The following ANK3 variants were observed in gnomAD, a reference collection of about 807,000 sequenced individuals.
ANK3 encodes ankyrin-3.
ANK3 carries 57 observed loss-of-function variants against 370.9 expected under a neutral mutation model. The observed-to-expected ratio is 0.15, with a 90% CI of 0.12 to 0.19. The LOEUF (loss-of-function observed/expected upper bound fraction) is 0.19, where lower values mean the gene tolerates loss of function less well. ANK3 is among the 10% of genes least tolerant of loss of function. The probability of loss-of-function intolerance (pLI) is 1.00; values close to 1 mark genes in which losing one functional copy is unlikely to be tolerated. For missense variants in ANK3, 4,439 were observed against 5,302.1 expected (o/e 0.84, Z 5.06); for synonymous variants, 1,929 against 1,946.3 (o/e 0.99, Z 0.23).
At chr10:60,463,691 C>A (rs1250068149) in intron 2 of ANK3, among the ~76,000 whole-genome samples, 3 of 141,228 alleles carry the variant, frequency 2.1e-5, no homozygotes, top group Admixed American at 7.2e-5. Flanking sequence ...AAAAAAAAAA[C>A]CCAAACCAAA....
chr10:60,531,464 G>GTGGC (rs748043641), intron 2 of ANK3, among the ~76,000 whole-genome samples: 4 of 152,086 alleles, frequency 2.6e-5, no homozygotes, highest in Non-Finnish European at 4.4e-5. Flanking sequence ...GGGAAAATCA[G>GTGGC]TGGCTGTGGG....
intron 2 of ANK3, among the ~76,000 whole-genome samples, chr10:60,461,465 G>A (rs1488096078): frequency 1.3e-5 from 2 of 152,168 alleles, no homozygotes; most frequent in Non-Finnish European, 2.9e-5. Context: ...AACATGTTAT[G>A]AAGCACAGAT....
At chr10:60,516,790 T>A (rs12413264) in intron 2 of ANK3, among the ~76,000 whole-genome samples, 36,330 of 151,584 alleles carry the variant, frequency 0.24, 4,681 homozygotes, top group East Asian at 0.47. Context: ...ACATTTTTTT[T>A]AAAATGCACC....
chr10:60,042,720 G>T lies in ANK3; in HGVS notation c.13105C>A (p.Arg4369=). Reference sequence around the variant, plus strand: ...GAGTGGCTCTTCTTTTCCACATGCCGGATTTCTTTCTTCGTTTTCACCTTA... The same window carrying T: ...GAGTGGCTCTTCTTTTCCACATGCCTGATTTCTTTCTTCGTTTTCACCTTA... ...GFKVKTKKEI[R]HVEKKSHS Residue 4369 remains arginine (R), a synonymous_variant, in exon 43 of 44, where the codon CGG becomes AGG. Transcript: ENST00000280772. 6.2e-7 allele frequency: 1 copy of T among 1,613,814 alleles called. No individual in the cohort carries two copies. Among genetic ancestry groups the T allele is most frequent in the Non-Finnish European group, 8.5e-7 (1 of 1,179,934 alleles).
chr10:60,056,864 A>G (rs1464678480), intron 41 of ANK3, among the ~76,000 whole-genome samples: 1 of 152,112 alleles, frequency 6.6e-6, no homozygotes, highest in East Asian at 1.9e-4. Context: ...TCTCTACCAA[A>G]AAACTACAAA....
chr10:60,096,439 C>T (rs930010899), intron 28 of ANK3, among the ~76,000 whole-genome samples: 20 of 152,310 alleles, frequency 1.3e-4, no homozygotes, highest in African/African-American at 4.3e-4. Flanking sequence ...GGCACAAATG[C>T]AATGCCACTA....
At chr10:60,279,484 A>G in intron 2 of ANK3, 54 bp downstream of exon 2, 1 of 1,386,942 alleles carries the variant, frequency 7.2e-7, no homozygotes, top group South Asian at 1.3e-5. Flanking sequence ...AAGGAGCTTG[A>G]AGTCTGGATT....
rs567625921 is a variant in ANK3 at position 60,228,773 on chromosome 10, C to T, written c.897+5915G>A. Reference sequence around the variant, plus strand: ...AAAAAAAAATTAGATGTGAGCATTACCAACATACATTAAGAAACAGTAGGA... The same window carrying T: ...AAAAAAAAATTAGATGTGAGCATTATCAACATACATTAAGAAACAGTAGGA... On this transcript the variant is annotated intron_variant, in intron 8 of 43. Coordinates refer to ENST00000280772, the MANE Select transcript of ANK3 (RefSeq NM_020987.5). Among the ~76,000 whole-genome samples the T allele has an allele frequency of 1.4e-3, 211 of 152,080 alleles. 1 individual carries two copies. Among genetic ancestry groups the T allele is most frequent in the African/African-American group, 4.8e-3 (198 of 41,484 alleles).
chr10:60,428,800 T>C (rs1025756539), intron 2 of ANK3, among the ~76,000 whole-genome samples: 1 of 152,158 alleles, frequency 6.6e-6, no homozygotes, highest in African/African-American at 2.4e-5. Flanking sequence ...CATCTACTTG[T>C]ATTAAATATG....
chr10:60,637,739 G>A (rs2078574998), intron 1 of ANK3, among the ~76,000 whole-genome samples: 2 of 152,172 alleles, frequency 1.3e-5, no homozygotes, highest in South Asian at 2.1e-4. Context: ...AATGTTAAGC[G>A]AAATATGCAT....
intron 2 of ANK3, among the ~76,000 whole-genome samples, chr10:60,433,493 T>C (rs2064083560): frequency 1.3e-5 from 2 of 152,124 alleles, no homozygotes; most frequent in African/African-American, 4.8e-5. Context: ...GTTGGGAGGC[T>C]GAGGCATGAG....
intron 1 of ANK3, among the ~76,000 whole-genome samples, chr10:60,320,811 T>C (rs1257646752): frequency 1.3e-5 from 2 of 152,078 alleles, no homozygotes; most frequent in African/African-American, 2.4e-5. Flanking sequence ...CAGGGTGTTC[T>C]CAATCTGTGG....
At chr10:60,233,208 G>C (rs2097274676) in intron 8 of ANK3, among the ~76,000 whole-genome samples, 1 of 152,098 alleles carries the variant, frequency 6.6e-6, no homozygotes, top group South Asian at 2.1e-4. Flanking sequence ...CTTGATCTTT[G>C]CAACAACCCT....
intron 1 of ANK3, among the ~76,000 whole-genome samples, chr10:60,686,057 T>G (rs1033745146): frequency 3.9e-5 from 6 of 152,158 alleles, no homozygotes; most frequent in African/African-American, 1.4e-4. Flanking sequence ...CGAATTTTTA[T>G]GCAAATTGAC....
intron 25 of ANK3, among the ~76,000 whole-genome samples, chr10:60,120,520 G>T (rs376101560): frequency 8.9e-4 from 135 of 152,106 alleles, no homozygotes; most frequent in Middle Eastern, 3.4e-3. Context: ...TCAGCAAAGT[G>T]AAGAGACAAC....
At chr10:60,408,168 T>A (rs2063490614) in intron 2 of ANK3, among the ~76,000 whole-genome samples, 1 of 152,228 alleles carries the variant, frequency 6.6e-6, no homozygotes, top group Admixed American at 6.5e-5. Context: ...AACTTTCTGT[T>A]ACATTCTATC....
At chr10:60,292,861 C>A (rs776452902) in intron 1 of ANK3, among the ~76,000 whole-genome samples, 3 of 152,070 alleles carry the variant, frequency 2.0e-5, no homozygotes, top group Non-Finnish European at 4.4e-5. Flanking sequence ...GCACCCACAA[C>A]CACGCCCGAC....
In ANK3 at chr10:60,069,603, T is replaced by C. The variant is rs2082316495; in HGVS notation, c.11278A>G (p.Ile3760Val). The C allele has an allele frequency of 1.9e-6, 3 of 1,614,118 alleles. No individual in the cohort carries two copies. Among genetic ancestry groups the C allele is most frequent in the South Asian group, 1.1e-5 (1 of 91,062 alleles). ...TSCQGLENET[I>V]TMISNTANSQ... ...TTGGCTGTATTTGAAATCATTGTTA[T>C]AGTTTCATTTTCTAATCCCTGACAA... The change falls in exon 37 of 44, where the codon ATA becomes GTA. Residue 3760 changes from isoleucine to valine, a missense_variant. By Grantham distance (29) the Ile-to-Val change is conservative (BLOSUM62 3). Around this residue, in one of 13 missense-constraint regions of ANK3, gnomAD observed 496 missense variants for 529.3 expected, o/e 0.94. Coordinates refer to ENST00000280772, the MANE Select transcript of ANK3 (RefSeq NM_020987.5).
At chr10:60,702,934 A>G (rs1363224271) in intron 1 of ANK3, among the ~76,000 whole-genome samples, 1 of 152,184 alleles carries the variant, frequency 6.6e-6, no homozygotes, top group Non-Finnish European at 1.5e-5. Flanking sequence ...ATCCAACTAC[A>G]GTTTACAGGA....
Sources: gnomAD v4.1 joint callset for allele counts (sites outside exome capture counted in the v4.1 genomes callset) on GRCh38, gnomAD v4.1.1 for gene constraint, gnomAD v4.1.1 regional missense constraint, MANE v1.5 for transcripts, NCBI Gene and HGNC (gene_info 2026-07-23, HGNC 2026-07-21) for gene names.